The following RAB23 variants were observed in gnomAD, a reference collection of about 807,000 sequenced individuals.
The protein encoded by RAB23 is RAB23, member RAS oncogene family, also known as ras-related protein Rab-23.
RAB23 carries 15 observed loss-of-function variants against 30.0 expected under a neutral mutation model. The ratio of observed to expected loss-of-function variants is 0.50; its 90% CI spans 0.33 to 0.77. The LOEUF (loss-of-function observed/expected upper bound fraction) is 0.77. Ranked by LOEUF, RAB23 falls within the 30% of genes least tolerant of loss-of-function variation. The probability of loss-of-function intolerance (pLI) is 0.02; values close to 1 mark genes in which losing one functional copy is unlikely to be tolerated. For synonymous variants in RAB23, 93 were observed against 94.0 expected, an observed-to-expected ratio of 0.99 and a Z score of 0.06; for missense variants, 243 against 275.4, an observed-to-expected ratio of 0.88 and a Z score of 0.83.
At chr6:57,207,822 C>T (rs1210113868) in intron 2 of RAB23, 109 bp from the exon 3 acceptor site, 30 of 738,130 alleles carry the variant, frequency 4.1e-5, no homozygotes, top group Non-Finnish European at 6.4e-5. Context: ...ACTACAAATG[C>T]TCCTTGACTT....
At chr6:57,210,143 G>A (rs1765598451) in intron 2 of RAB23, 83 bp downstream of exon 2, 1 of 1,460,718 alleles carries the variant, frequency 6.8e-7, no homozygotes, top group Non-Finnish European at 9.5e-7. Flanking sequence ...GAAATCCACT[G>A]CAATCAGTTA....
rs555053441 is a variant in RAB23, at chr6:57,219,977, G to C, written c.-66+1749C>G. Among the ~76,000 whole-genome samples the C allele has an allele frequency of 2.0e-5, 3 of 152,222 alleles. No individual in the cohort carries two copies. The East Asian group carries it at 5.8e-4, about 29-fold the overall frequency. On this transcript the variant is annotated intron_variant, in intron 1 of 6. Coordinates refer to ENST00000468148, the MANE Select transcript of RAB23 (RefSeq NM_016277.5). Reference sequence around the variant, plus strand: ...GTCTGAAAGACACTGTTAGAATGAAGAGAAAGACAGACTGGAAGAAAATAC... The same window carrying C: ...GTCTGAAAGACACTGTTAGAATGAACAGAAAGACAGACTGGAAGAAAATAC...
intron 3 of RAB23, among the ~76,000 whole-genome samples, chr6:57,204,884 C>T (rs1317619170): frequency 6.6e-6 from 1 of 151,948 alleles, no homozygotes; most frequent in Non-Finnish European, 1.5e-5. Flanking sequence ...GTAGATCCTA[C>T]TTTCCTGGGG....
Position 57,187,624 on chromosome 6 carries a change from A to ATCT in RAB23, c.*2834_*2836dup, listed in dbSNP as rs1168287216. 6.6e-6 allele frequency: 1 copy of ATCT among 152,232 alleles called. No individual in the cohort carries two copies. The highest frequency in any genetic ancestry group is 1.5e-5 in the Non-Finnish European group (1 of 68,036). 9.4% of individuals were successfully genotyped at this position (152,232 alleles called of 1,614,324 possible). ...GAAAAGTATGCTAATAATTAACAAT[A>ATCT]TCTTATATTAAAAGGGTCCAACACT... is the stretch of plus-strand genomic sequence containing the variant. On this transcript the variant is annotated 3_prime_UTR_variant, in exon 7 of 7. Transcript: ENST00000468148.
At chr6:57,208,226 G>A (rs568923082) in intron 2 of RAB23, among the ~76,000 whole-genome samples, 32 of 152,294 alleles carry the variant, frequency 2.1e-4, no homozygotes, top group African/African-American at 5.8e-4. Flanking sequence ...CAGTCACAGC[G>A]TAGTGGTGGT....
chr6:57,200,536 CA>C (rs989178921), intron 3 of RAB23, among the ~76,000 whole-genome samples: 228 of 42,672 alleles, frequency 5.3e-3, no homozygotes, highest in Middle Eastern at 0.012. Context: ...GACTCTGTCT[CA>C]AAAAAAAAAA....
rs376394715 is a variant in RAB23 at position 57,210,298 on chromosome 6, C to T, written c.83G>A (p.Arg28Gln). ...TTTTGTAAAAATGCCTTTGCAATAT[C>T]GCTGAATCATACTTGATTTTCCAAC... ...GAVGKSSMIQ[R>Q]YCKGIFTKDY... is the part of the protein sequence containing the mutation. Residue 28 changes from arginine to glutamine, a missense_variant, in exon 2 of 7, where the codon CGA (arginine) becomes CAA (glutamine). Transcript: ENST00000468148. 17 of 1,613,800 alleles carry T rather than the reference C, an allele frequency of 1.1e-5. No individual in the cohort carries two copies. The highest frequency in any genetic ancestry group is 5.3e-5 in the African/African-American group (4 of 74,910).
intron 3 of RAB23, among the ~76,000 whole-genome samples, chr6:57,200,180 G>A (rs932376914): frequency 2.0e-5 from 3 of 151,318 alleles, no homozygotes; most frequent in African/African-American, 7.3e-5. Flanking sequence ...ACTCCCTCAA[G>A]CACTTCAAGA....
chr6:57,210,152 TAA>T (rs1765598777), intron 2 of RAB23, 72 bp downstream of exon 2: 1 of 1,503,370 alleles, frequency 6.7e-7, no homozygotes, highest in African/African-American at 1.4e-5. Context: ...TGCAATCAGT[TAA>T]CTATTACTCC....
chr6:57,210,632 C>A (rs1203737515), intron 1 of RAB23, among the ~76,000 whole-genome samples, 187 bp from the exon 2 acceptor site: 1 of 152,098 alleles, frequency 6.6e-6, no homozygotes, highest in African/African-American at 2.4e-5. Context: ...TTGAATGAAT[C>A]CTCATCAATA....
At chr6:57,210,175 G>T in intron 2 of RAB23, 51 bp downstream of exon 2, 1 of 1,572,042 alleles carries the variant, frequency 6.4e-7, no homozygotes, top group Non-Finnish European at 8.7e-7. Flanking sequence ...AATGAGTCTT[G>T]GATATAGTTC....
rs1308598515 is a variant in RAB23 at position 57,187,326 on chromosome 6, CAG to C, written c.*3133_*3134del. ...CCAGGAGTTTGATGACTGGATATTT[CAG>C]AGTCTACTGCGGGTTTTAAATATTT... is the stretch of plus-strand genomic sequence containing the variant. On this transcript the variant is annotated 3_prime_UTR_variant, in exon 7 of 7. Coordinates refer to ENST00000468148, the MANE Select transcript of RAB23 (RefSeq NM_016277.5). The C allele has an allele frequency of 2.0e-5, 3 of 152,244 alleles. No homozygotes were observed. The highest frequency in any genetic ancestry group is 1.3e-4 in the Admixed American group (2 of 15,288). 9.4% of individuals were successfully genotyped at this position (152,244 alleles called of 1,614,324 possible).
At chr6:57,206,645 T>C (rs112474535) in intron 3 of RAB23, among the ~76,000 whole-genome samples, 1 of 151,904 alleles carries the variant, frequency 6.6e-6, no homozygotes, top group African/African-American at 2.4e-5. Context: ...GGAGGAATGG[T>C]GTGGAAGCAG....
In RAB23 at chr6:57,188,708, G is replaced by A. The variant is rs1200233844; in HGVS notation, c.*1753C>T. 6.6e-6 allele frequency: 1 copy of A among 152,114 alleles called. No individual in the cohort carries two copies. Among genetic ancestry groups the A allele is most frequent in the Non-Finnish European group, 1.5e-5 (1 of 68,008 alleles). The allele number at this position is 152,114 out of a possible 1,614,324, so 9.4% of individuals were successfully genotyped here. On this transcript the variant is annotated 3_prime_UTR_variant, in exon 7 of 7. Coordinates refer to ENST00000468148, the MANE Select transcript of RAB23 (RefSeq NM_016277.5). ...AGCAATGGGAGTGGTGACAACTGGT[G>A]ACATAAAAATAAGCATTTTACATTA...
chr6:57,190,596 GAC>G lies in RAB23; in HGVS notation c.577_578del (p.Val193LeufsTer2). The G allele has an allele frequency of 6.2e-7, 1 of 1,613,890 alleles. No individual in the cohort carries two copies. The highest frequency in any genetic ancestry group is 8.5e-7 in the Non-Finnish European group (1 of 1,179,842). ...AGTGACTTCCACCAGATGTATTAAA[GAC>G]ACCTGTATAAATTGAGGGAAAAGAG... is the stretch of plus-strand genomic sequence containing the variant. ...LTHSSSNKIG[V>X]FNTSGGSHSG... On this transcript the variant is annotated frameshift_variant and splice_region_variant, in exon 7 of 7. Coordinates refer to ENST00000468148, the MANE Select transcript of RAB23 (RefSeq NM_016277.5). LOFTEE classifies it high-confidence loss of function.
At chr6:57,220,689 T>C (rs1487545635) in intron 1 of RAB23, among the ~76,000 whole-genome samples, 1 of 152,162 alleles carries the variant, frequency 6.6e-6, no homozygotes, top group Non-Finnish European at 1.5e-5. Context: ...TAGAAAAGAT[T>C]AGTAATTGCC....
At chr6:57,202,455 T>C (rs1765304663) in intron 3 of RAB23, among the ~76,000 whole-genome samples, 1 of 152,122 alleles carries the variant, frequency 6.6e-6, no homozygotes, top group Admixed American at 6.5e-5. Flanking sequence ...TCAAGGGTGG[T>C]CTAATCAGAG....
At chr6:57,195,735 C>T (rs928094858) in intron 4 of RAB23, among the ~76,000 whole-genome samples, 2 of 152,208 alleles carry the variant, frequency 1.3e-5, no homozygotes, top group African/African-American at 4.8e-5. Context: ...CCAGTGTAGC[C>T]TTTCCGTGAG....
intron 6 of RAB23, among the ~76,000 whole-genome samples, chr6:57,191,318 T>C (rs941062892): frequency 6.6e-6 from 1 of 152,208 alleles, no homozygotes; most frequent in Non-Finnish European, 1.5e-5. Flanking sequence ...CAGATATAGT[T>C]TATGCATATA....
Sources: gnomAD v4.1 joint callset for allele counts (sites outside exome capture counted in the v4.1 genomes callset) on GRCh38, gnomAD v4.1.1 for gene constraint, MANE v1.5 for transcripts, NCBI Gene and HGNC (gene_info 2026-07-23, HGNC 2026-07-21) for gene names.